Variants in CEP192 observed in about 807,000 individuals in gnomAD.
CEP192 encodes centrosomal protein 192.
A neutral mutation model predicts 271.8 loss-of-function variants in CEP192; 151 were observed. That is an observed-to-expected ratio of 0.56 (90% CI 0.49 to 0.64). CEP192 has a LOEUF of 0.64. Ranked by LOEUF, CEP192 falls within the 30% of genes least tolerant of loss-of-function variation. The pLI, the probability that CEP192 is intolerant of heterozygous loss-of-function variation, is 0.00. For missense variants in CEP192, 2,910 were observed against 3,020.5 expected, an observed-to-expected ratio of 0.96 and a Z score of 0.86; for synonymous variants, 995 against 1,076.5, an observed-to-expected ratio of 0.92 and a Z score of 1.48.
intron 43 of CEP192, 35 bp from the exon 44 acceptor site, chr18:13,117,550 C>T: frequency 6.8e-7 from 1 of 1,480,862 alleles, no homozygotes; most frequent in Non-Finnish European, 9.4e-7. Flanking sequence ...ATCTAATTTT[C>T]ATAACTTTAT....
chr18:13,058,862 G>GGA (rs2037257676), intron 20 of CEP192: 4 of 549,758 alleles, frequency 7.3e-6, no homozygotes, highest in Non-Finnish European at 1.3e-5. Flanking sequence ...GGTGGACTGG[G>GGA]GAGACAGCCT....
intron 40 of CEP192, among the ~76,000 whole-genome samples, chr18:13,112,972 T>A (rs1435227255): frequency 5.9e-5 from 9 of 152,250 alleles, no homozygotes; most frequent in Admixed American, 3.9e-4. Flanking sequence ...ATGCTGTTTT[T>A]AAACATTACA....
At chr18:12,997,129 T>C (rs2033299780) in intron 1 of CEP192, among the ~76,000 whole-genome samples, 1 of 152,084 alleles carries the variant, frequency 6.6e-6, no homozygotes, top group African/African-American at 2.4e-5. Context: ...GTAGAGTGGT[T>C]GTCAGTGCAG....
intron 28 of CEP192, among the ~76,000 whole-genome samples, chr18:13,072,046 G>A (rs1044484108): frequency 6.6e-6 from 1 of 152,112 alleles, no homozygotes; most frequent in Non-Finnish European, 1.5e-5. Flanking sequence ...CCTGTGGAAG[G>A]CTTTTCCTGG....
intron 7 of CEP192, among the ~76,000 whole-genome samples, chr18:13,018,250 A>G (rs1191944833): frequency 6.6e-6 from 1 of 152,162 alleles, no homozygotes; most frequent in Non-Finnish European, 1.5e-5. Context: ...CATCTGTGGG[A>G]TGAGATATCA....
In CEP192 at chr18:13,101,534, G is replaced by T. The variant is rs574588157; in HGVS notation, c.6871+1022G>T. On this transcript the variant is annotated intron_variant, in intron 38 of 44. Coordinates refer to ENST00000506447, the MANE Select transcript of CEP192 (RefSeq NM_032142.4). Reference sequence around the variant, plus strand: ...CGATCATTTATTTTTGTCCCTGTCTGTCTCCCTCACTGCTGGCTCAGGCTA... The same window carrying T: ...CGATCATTTATTTTTGTCCCTGTCTTTCTCCCTCACTGCTGGCTCAGGCTA... 5.9e-5 allele frequency among the ~76,000 whole-genome samples: 9 copies of T among 152,240 alleles called. No homozygotes were observed. In the South Asian group the frequency reaches 1.9e-3, roughly 32 times the overall value.
intron 3 of CEP192, among the ~76,000 whole-genome samples, chr18:13,002,626 T>C (rs974939392): frequency 9.2e-5 from 14 of 152,190 alleles, no homozygotes; most frequent in African/African-American, 3.4e-4. Flanking sequence ...AATGCCGACT[T>C]CTCCCAGCCC....
At chr18:12,998,364 C>T (rs2033391574) in intron 1 of CEP192, among the ~76,000 whole-genome samples, 1 of 152,164 alleles carries the variant, frequency 6.6e-6, no homozygotes. Flanking sequence ...GGAGTATTTG[C>T]TACTGCCAGC....
rs2035257652 is a variant in CEP192 at position 13,025,716 on chromosome 18, C to T, written c.1051-3947C>T. On this transcript the variant is annotated intron_variant, in intron 9 of 44. Coordinates refer to ENST00000506447, the MANE Select transcript of CEP192 (RefSeq NM_032142.4). Reference sequence around the variant, plus strand: ...TGAGTAATGATAATAACAAAATATTCCTAATTCTTCCCTCCCATTCCTTGT... The same window carrying T: ...TGAGTAATGATAATAACAAAATATTTCTAATTCTTCCCTCCCATTCCTTGT... 6.6e-5 allele frequency among the ~76,000 whole-genome samples: 10 copies of T among 152,066 alleles called. No individual in the cohort carries two copies. In the South Asian group the frequency reaches 2.1e-3, roughly 32 times the overall value.
At chr18:13,107,859 G>C (rs112574061) in intron 40 of CEP192, among the ~76,000 whole-genome samples, 31 of 140,078 alleles carry the variant, frequency 2.2e-4, no homozygotes, top group African/African-American at 8.0e-4. Context: ...GAGTTAAAGC[G>C]ATTAGAAATA....
At chr18:13,031,600 C>T (rs2035637073) in intron 11 of CEP192, among the ~76,000 whole-genome samples, 1 of 152,086 alleles carries the variant, frequency 6.6e-6, no homozygotes, top group South Asian at 2.1e-4. Flanking sequence ...ATCCCATCTA[C>T]TGCTTGTGCT....
chr18:13,076,239 T>C (rs1458480904), intron 30 of CEP192, among the ~76,000 whole-genome samples: 1 of 152,110 alleles, frequency 6.6e-6, no homozygotes, highest in African/African-American at 2.4e-5. Flanking sequence ...TTTTCTTTTC[T>C]TTTTTTTGAG....
intron 9 of CEP192, among the ~76,000 whole-genome samples, chr18:13,021,899 T>G (rs1487936181): frequency 2.0e-5 from 3 of 152,246 alleles, no homozygotes; most frequent in Non-Finnish European, 4.4e-5. Context: ...ATTTACATTT[T>G]GGATTGTTTA....
intron 30 of CEP192, among the ~76,000 whole-genome samples, chr18:13,085,110 C>T (rs187413404): frequency 6.6e-6 from 1 of 152,126 alleles, no homozygotes; most frequent in East Asian, 1.9e-4. Flanking sequence ...CAGGTGTGAG[C>T]CACCGTGCCT....
At position 13,056,496 on chromosome 18, in the gene CEP192, G is replaced by A. The variant is rs773584017; in HGVS notation, c.3906G>A (p.Glu1302=). 2.2e-4 allele frequency: 357 copies of A among 1,613,914 alleles called. No individual in the cohort carries two copies. Among genetic ancestry groups the A allele is most frequent in the Non-Finnish European group, 2.9e-4 (345 of 1,179,914 alleles). The change falls in exon 19 of 45, where the codon GAG becomes GAA. Residue 1302 remains glutamate (E), a synonymous_variant. Transcript: ENST00000506447. ...TTCCCTATCCAGCTGTTGCAGGAGAGCCTGTGCAGAACTCTGTGGCTGTGG... is the reference window on the plus strand; with the variant it reads ...TTCCCTATCCAGCTGTTGCAGGAGAACCTGTGCAGAACTCTGTGGCTGTGG... ...GGLPYPAVAG[E]PVQNSVAVGI...
rs1487365890 is a variant in CEP192 at position 13,057,753 on chromosome 18, TCATTTAACCTAA to T, written c.4257+23_4257+34del. ...GAAAAGGTAGCTTTCTATGTCTTTC[TCATTTAACCTAA>T]CAGTTGCATTGTGATTAGGTGCTTG... On this transcript the variant is annotated intron_variant, in intron 20 of 44. Coordinates refer to ENST00000506447, the MANE Select transcript of CEP192 (RefSeq NM_032142.4). 1.9e-6 allele frequency: 3 copies of T among 1,608,900 alleles called. No individual in the cohort carries two copies. The highest frequency in any genetic ancestry group is 2.6e-6 in the Non-Finnish European group (3 of 1,176,394).
In CEP192 at chr18:13,068,087, T is replaced by C; in HGVS notation, c.4615-7T>C. 6.2e-7 allele frequency: 1 copy of C among 1,614,116 alleles called. No individual in the cohort carries two copies. The highest frequency in any genetic ancestry group is 1.1e-5 in the South Asian group (1 of 91,084). ...TTTACTGAACTGATTCTTGTATTTC[T>C]AAACAGAACGCTGTAGCCTGGCGCT... On this transcript the variant is annotated splice_polypyrimidine_tract_variant and splice_region_variant and intron_variant, in intron 22 of 44. Coordinates refer to ENST00000506447, the MANE Select transcript of CEP192 (RefSeq NM_032142.4).
chr18:13,025,192 G>C (rs1022953015), intron 9 of CEP192, among the ~76,000 whole-genome samples: 7 of 151,792 alleles, frequency 4.6e-5, no homozygotes, highest in Non-Finnish European at 7.4e-5. Flanking sequence ...TCTTCTCTTT[G>C]TGGTTTTATT....
intron 6 of CEP192, among the ~76,000 whole-genome samples, chr18:13,016,275 AG>A (rs1277590256): frequency 6.6e-6 from 1 of 152,200 alleles, no homozygotes; most frequent in Non-Finnish European, 1.5e-5. Flanking sequence ...AGGACATGTC[AG>A]GAAGCAGGAA....
Sources: allele counts gnomAD v4.1 joint callset (sites outside exome capture counted in the v4.1 genomes callset), GRCh38; gene constraint gnomAD v4.1.1; transcripts MANE v1.5; gene names NCBI Gene and HGNC (gene_info 2026-07-23, HGNC 2026-07-21).